The following PTPRE variants were observed in gnomAD, a reference collection of about 807,000 sequenced individuals.
PTPRE encodes receptor-type tyrosine-protein phosphatase epsilon.
Under a neutral mutation model 102.0 loss-of-function variants are expected in PTPRE, and 51 were observed. The ratio of observed to expected loss-of-function variants is 0.50; its 90% CI spans 0.40 to 0.63. PTPRE has a LOEUF of 0.63. PTPRE is among the 30% of genes least tolerant of loss of function. The pLI is 0.00. For synonymous variants in PTPRE, 345 were observed against 348.2 expected, an observed-to-expected ratio of 0.99 and a Z score of 0.10; for missense variants, 752 against 915.1, an observed-to-expected ratio of 0.82 and a Z score of 2.30.
chr10:127,954,137 C>T (rs1391049131), intron 1 of PTPRE, among the ~76,000 whole-genome samples: 1 of 152,228 alleles, frequency 6.6e-6, no homozygotes, highest in Non-Finnish European at 1.5e-5. Context: ...TTGTCAGCCT[C>T]TTTCCCCAGC....
intron 1 of PTPRE, among the ~76,000 whole-genome samples, chr10:127,914,000 G>A (rs778775162): frequency 6.6e-5 from 10 of 152,182 alleles, no homozygotes; most frequent in Non-Finnish European, 1.2e-4. Context: ...CAGCGTTGGA[G>A]GTAGGGCCTG....
chr10:128,028,330 T>G lies in PTPRE; in HGVS notation c.-7-12545T>G, dbSNP rs573828037. 3.0e-4 allele frequency among the ~76,000 whole-genome samples: 46 copies of G among 152,066 alleles called. No individual in the cohort carries two copies. The highest frequency in any genetic ancestry group is 5.9e-4 in the Non-Finnish European group (40 of 68,000). ...CTCACTCCTGGCAGGCAGAAGGGAC[T>G]CGGGTCACACACAGCCACACTCGGG... On this transcript the variant is annotated intron_variant, in intron 2 of 20. Transcript: ENST00000254667. This position sits in a 1 kb window ranked among gnomAD's most constrained non-coding sequence, Gnocchi z 4.5.
intron 1 of PTPRE, among the ~76,000 whole-genome samples, chr10:127,959,055 C>A (rs959710480): frequency 6.6e-6 from 1 of 152,172 alleles, no homozygotes. Flanking sequence ...CGCCACCACA[C>A]CCCGCTAATT....
intron 2 of PTPRE, among the ~76,000 whole-genome samples, chr10:128,013,888 G>A (rs1845213633): frequency 6.6e-6 from 1 of 152,114 alleles, no homozygotes; most frequent in African/African-American, 2.4e-5. Flanking sequence ...TTTCCCGAAG[G>A]CAGGGCTGTG....
intron 1 of PTPRE, among the ~76,000 whole-genome samples, chr10:127,941,241 A>C (rs1347584196): frequency 1.3e-5 from 2 of 152,232 alleles, no homozygotes; most frequent in East Asian, 3.9e-4. Flanking sequence ...CTTCAGATTA[A>C]ACTTCCCCTC....
chr10:128,065,427 A>G lies in PTPRE; in HGVS notation c.724-648A>G, dbSNP rs140530878. On this transcript the variant is annotated intron_variant, in intron 10 of 20. Transcript: ENST00000254667. Reference sequence around the variant, plus strand: ...CAGGTGCTGCGGGCGGTGCTGCAAAATGAAAGGGCTCCTGGAACGTGTATT... The same window carrying G: ...CAGGTGCTGCGGGCGGTGCTGCAAAGTGAAAGGGCTCCTGGAACGTGTATT... Among the ~76,000 whole-genome samples, 460 of 152,314 alleles carry G rather than the reference A, an allele frequency of 3.0e-3. 3 individuals are homozygous for G. The highest frequency in any genetic ancestry group is 0.01 in the African/African-American group (428 of 41,560).
chr10:128,067,681 A>G (rs1850382558), intron 11 of PTPRE, among the ~76,000 whole-genome samples: 1 of 152,256 alleles, frequency 6.6e-6, no homozygotes, highest in African/African-American at 2.4e-5. Context: ...GGGAGACTCC[A>G]AAGAGCAGGC....
Position 128,070,726 on chromosome 10 carries a change from C to T in PTPRE, c.1294-82C>T. On this transcript the variant is annotated intron_variant, in intron 14 of 20. Coordinates refer to ENST00000254667, the MANE Select transcript of PTPRE (RefSeq NM_006504.6). The surrounding 1 kb of genome is among the most constrained non-coding windows in gnomAD (Gnocchi z 4.8). ...GTTTCCTTTGAGCAGGCGTCCTTGC[C>T]AGCAGCACTAGTCCTCGGCTGAGCA... 1 of 1,452,042 alleles carries T rather than the reference C, an allele frequency of 6.9e-7. No individual in the cohort carries two copies. The allele number at this position is 1,452,042 out of a possible 1,614,324, so 89.9% of individuals were successfully genotyped here. A position where few individuals can be genotyped will look rare whatever the true frequency, so the allele number is the denominator to read the frequency against.
Position 128,070,701 on chromosome 10 carries a change from G to T in PTPRE, c.1294-107G>T. 2.3e-6 allele frequency: 3 copies of T among 1,306,014 alleles called. No individual in the cohort carries two copies. Among genetic ancestry groups the T allele is most frequent in the Non-Finnish European group, 3.2e-6 (3 of 937,988 alleles). The allele number at this position is 1,306,014 out of a possible 1,614,324, so 80.9% of individuals were successfully genotyped here. A position where few individuals can be genotyped will look rare whatever the true frequency, so the allele number is the denominator to read the frequency against. On this transcript the variant is annotated intron_variant, in intron 14 of 20. Coordinates refer to ENST00000254667, the MANE Select transcript of PTPRE (RefSeq NM_006504.6). The surrounding 1 kb of genome is among the most constrained non-coding windows in gnomAD (Gnocchi z 4.8). ...AGGAGGCTTCCTGGGTTGGAGAGTG[G>T]TTTCCTTTGAGCAGGCGTCCTTGCC...
At chr10:128,075,626 T>C (rs1374178042) in intron 17 of PTPRE, among the ~76,000 whole-genome samples, 3 of 152,244 alleles carry the variant, frequency 2.0e-5, no homozygotes, top group African/African-American at 7.2e-5. Flanking sequence ...CTAATTGCTT[T>C]CCAAAGTGGA....
intron 2 of PTPRE, among the ~76,000 whole-genome samples, chr10:127,993,740 C>T (rs1196894729): frequency 6.6e-6 from 1 of 150,794 alleles, no homozygotes; most frequent in Non-Finnish European, 1.5e-5. Context: ...TTCCTTTCTT[C>T]GTGTTCTCTC....
chr10:128,076,506 C>A, intron 17 of PTPRE, 97 bp from the exon 18 acceptor site: 13 of 1,206,624 alleles, frequency 1.1e-5, no homozygotes, highest in Admixed American at 2.9e-5. Flanking sequence ...AGATGAAATA[C>A]ATTAACTGGT....
chr10:128,082,281 T>G (rs1405669435), intron 20 of PTPRE, among the ~76,000 whole-genome samples: 1 of 143,330 alleles, frequency 7.0e-6, no homozygotes, highest in East Asian at 2.1e-4. Flanking sequence ...TGGCACAATC[T>G]TGGCTCACTG....
intron 18 of PTPRE, 141 bp from the exon 19 acceptor site, chr10:128,077,476 A>G: frequency 9.1e-7 from 1 of 1,095,792 alleles, no homozygotes; most frequent in Admixed American, 2.9e-5. Context: ...CTTCTCCTTC[A>G]GGCTGCCTCG....
intron 2 of PTPRE, among the ~76,000 whole-genome samples, chr10:127,988,228 C>A (rs1852273684): frequency 6.6e-6 from 1 of 152,178 alleles, no homozygotes; most frequent in South Asian, 2.1e-4. Flanking sequence ...GGGGGTGGCC[C>A]CCTGTGGATT....
At chr10:128,029,069 G>A (rs1846502827) in intron 2 of PTPRE, among the ~76,000 whole-genome samples, 1 of 152,200 alleles carries the variant, frequency 6.6e-6, no homozygotes, top group African/African-American at 2.4e-5. Context: ...ACTCCTCGGA[G>A]GCAGATAAGA....
At position 127,981,820 on chromosome 10, in the gene PTPRE, C is replaced by CA. The variant is rs71949953; in HGVS notation, c.-30-440dup. Among the ~76,000 whole-genome samples, 122 of 136,670 alleles carry CA rather than the reference C, an allele frequency of 8.9e-4. 1 individual carries two copies. Among genetic ancestry groups the CA allele is most frequent in the East Asian group, 1.3e-3 (6 of 4,606 alleles). 89.7% of individuals were successfully genotyped at this position (136,670 alleles called of 152,430 possible). A position where few individuals can be genotyped will look rare whatever the true frequency, so the allele number is the denominator to read the frequency against. ...CGACAGAGCAAGACTCACTCCGTCTCAAAAAAAAAAAAAATTAATTAATTA... is the reference window on the plus strand; with the variant it reads ...CGACAGAGCAAGACTCACTCCGTCTCAAAAAAAAAAAAAAATTAATTAATTA... On this transcript the variant is annotated intron_variant, in intron 1 of 20. Coordinates refer to ENST00000254667, the MANE Select transcript of PTPRE (RefSeq NM_006504.6).
chr10:128,044,839 C>G (rs1156528637), intron 3 of PTPRE, among the ~76,000 whole-genome samples: 1 of 152,188 alleles, frequency 6.6e-6, no homozygotes, highest in Admixed American at 6.5e-5. Context: ...TCTTCCTGGT[C>G]CACACCATTT....
intron 9 of PTPRE, chr10:128,062,877 G>A: frequency 1.3e-6 from 1 of 797,538 alleles, no homozygotes; most frequent in Non-Finnish European, 1.9e-6. Flanking sequence ...TGCCCACTGA[G>A]GAGTTCCTAG....
Sources: gnomAD v4.1 joint callset for allele counts (sites outside exome capture counted in the v4.1 genomes callset) on GRCh38, gnomAD v4.1.1 for gene constraint, Gnocchi (gnomAD v3.1) non-coding constraint, MANE v1.5 for transcripts, NCBI Gene and HGNC (gene_info 2026-07-23, HGNC 2026-07-21) for gene names.